The following GOLPH3 variants were observed in gnomAD, a reference collection of about 807,000 sequenced individuals.
The protein encoded by GOLPH3 is coat protein GPP34.
In GOLPH3, 14 loss-of-function variants were observed where a neutral mutation model predicts 28.5. That is an observed-to-expected ratio of 0.49 (90% confidence interval 0.32 to 0.77). GOLPH3 has a LOEUF of 0.77. Ranked by LOEUF, GOLPH3 falls within the 30% of genes least tolerant of loss-of-function variation. GOLPH3 has a pLI of 0.03. For synonymous variants in GOLPH3, 158 were observed against 159.2 expected (o/e 0.99, Z 0.06); for missense variants, 350 against 393.7 (o/e 0.89, Z 0.94).
intron 1 of GOLPH3, among the ~76,000 whole-genome samples, chr5:32,170,739 A>G (rs1746814542): frequency 6.6e-6 from 1 of 152,112 alleles, no homozygotes; most frequent in African/African-American, 2.4e-5. Flanking sequence ...GTTTGAGTGC[A>G]GCCTGGGCAA....
intron 1 of GOLPH3, among the ~76,000 whole-genome samples, chr5:32,168,088 A>G (rs1746754478): frequency 6.6e-6 from 1 of 152,274 alleles, no homozygotes; most frequent in African/African-American, 2.4e-5. Flanking sequence ...TATGAAGGAA[A>G]TATCATTTGT....
At chr5:32,131,303 G>C (rs1745820630) in intron 3 of GOLPH3, among the ~76,000 whole-genome samples, 2 of 152,204 alleles carry the variant, frequency 1.3e-5, no homozygotes, top group Admixed American at 1.3e-4. Flanking sequence ...AAGTATCTTG[G>C]TATTCTGGAA....
intron 2 of GOLPH3, among the ~76,000 whole-genome samples, chr5:32,142,679 GC>G (rs1561666253): frequency 7.1e-6 from 1 of 140,102 alleles, no homozygotes; most frequent in African/African-American, 2.7e-5. Flanking sequence ...CCGGCCAGCC[GC>G]CCCGTCCGGG....
At chr5:32,168,500 A>G (rs559361572) in intron 1 of GOLPH3, among the ~76,000 whole-genome samples, 1 of 152,324 alleles carries the variant, frequency 6.6e-6, no homozygotes, top group East Asian at 1.9e-4. Context: ...CTTGTCTACA[A>G]GCATTAGAAA....
intron 2 of GOLPH3, among the ~76,000 whole-genome samples, chr5:32,140,048 A>C (rs1411911243): frequency 6.6e-6 from 1 of 152,202 alleles, no homozygotes; most frequent in African/African-American, 2.4e-5. Context: ...CAGAAATACA[A>C]GTTTTCAAAA....
intron 2 of GOLPH3, among the ~76,000 whole-genome samples, chr5:32,142,765 G>C (rs562000979): frequency 6.8e-6 from 1 of 146,526 alleles, no homozygotes; most frequent in African/African-American, 2.6e-5. Context: ...CTGCCCGGCC[G>C]CCCCTACTGG....
chr5:32,167,571 TGA>T (rs1746744849), intron 1 of GOLPH3, among the ~76,000 whole-genome samples: 2 of 152,190 alleles, frequency 1.3e-5, no homozygotes, highest in African/African-American at 4.8e-5. Context: ...ACTTATGAGA[TGA>T]GTTAGTGAAT....
rs1219607148 is a variant in GOLPH3 at position 32,171,955 on chromosome 5, G to GA, written c.225+1854dup. The stretch of plus-strand genomic sequence containing the variant: ...CAGAGCGAGATTCCGTCTAAAAAAA[G>GA]AAAAAAAAAAAGACAAATGTTTATA... On this transcript the variant is annotated intron_variant, in intron 1 of 3. Transcript: ENST00000265070. Among the ~76,000 whole-genome samples, 692 of 138,572 alleles carry GA rather than the reference G, an allele frequency of 5.0e-3. 2 individuals are homozygous for GA. Among genetic ancestry groups the GA allele is most frequent in the African/African-American group, 0.014 (532 of 38,298 alleles). The allele number at this position is 138,572 out of a possible 152,430, so 90.9% of individuals were successfully genotyped here. A position where few individuals can be genotyped will look rare whatever the true frequency, so the allele number is the denominator to read the frequency against.
intron 3 of GOLPH3, among the ~76,000 whole-genome samples, chr5:32,133,124 T>C (rs2111839947): frequency 6.6e-6 from 1 of 152,360 alleles, no homozygotes; most frequent in South Asian, 2.1e-4. Flanking sequence ...AGACAGTGCT[T>C]TACAAAATCC....
chr5:32,157,694 G>A (rs1459637901), intron 1 of GOLPH3, among the ~76,000 whole-genome samples: 2 of 152,066 alleles, frequency 1.3e-5, no homozygotes, highest in East Asian at 3.9e-4. Flanking sequence ...AATGATACTG[G>A]GGTTGGGCAT....
intron 1 of GOLPH3, among the ~76,000 whole-genome samples, chr5:32,167,167 C>T (rs956266597): frequency 6.6e-6 from 1 of 152,082 alleles, no homozygotes; most frequent in Admixed American, 6.6e-5. Context: ...AAATACAATT[C>T]TTTTGTTTTG....
Position 32,174,008 on chromosome 5 carries a change from G to C in GOLPH3, c.27C>G (p.Ser9=). The C allele has an allele frequency of 7.6e-7, 1 of 1,321,716 alleles. No individual in the cohort carries two copies. The highest frequency in any genetic ancestry group is 2.2e-5 in the South Asian group (1 of 44,548). 81.9% of individuals were successfully genotyped at this position (1,321,716 alleles called of 1,614,324 possible). A position where few individuals can be genotyped will look rare whatever the true frequency, so the allele number is the denominator to read the frequency against. The change falls in exon 1 of 4, where the codon TCC becomes TCG. Residue 9 remains serine (S), a synonymous_variant. Transcript: ENST00000265070. ...CCTCGGTGCGCCGCTGCACCAGGCC[G>C]GAGCTGCGCTGGGTCAGCGAGGTCA... is the stretch of plus-strand genomic sequence containing the variant. The part of the protein sequence containing the change: MTSLTQRS[S]GLVQRRTEAS...
intron 1 of GOLPH3, among the ~76,000 whole-genome samples, chr5:32,157,892 G>A (rs575149501): frequency 2.6e-5 from 4 of 151,654 alleles, no homozygotes; most frequent in African/African-American, 4.9e-5. Context: ...CAGAAGAATC[G>A]CTTGAACCCA....
intron 1 of GOLPH3, among the ~76,000 whole-genome samples, chr5:32,163,676 A>C (rs323838): frequency 1.1e-5 from 1 of 89,940 alleles, no homozygotes; most frequent in Non-Finnish European, 2.6e-5. Context: ...ATATATATAT[A>C]TTTTTTTTCT....
At chr5:32,140,767 C>A (rs191882997) in intron 2 of GOLPH3, among the ~76,000 whole-genome samples, 1 of 151,226 alleles carries the variant, frequency 6.6e-6, no homozygotes, top group Non-Finnish European at 1.5e-5. Context: ...TACCAACCAC[C>A]CTCCTGCCCA....
At chr5:32,140,451 A>G (rs1393116248) in intron 2 of GOLPH3, among the ~76,000 whole-genome samples, 1 of 152,020 alleles carries the variant, frequency 6.6e-6, no homozygotes, top group Non-Finnish European at 1.5e-5. Flanking sequence ...GGAGTTCAAT[A>G]CCAGCCTGAC....
intron 2 of GOLPH3, among the ~76,000 whole-genome samples, chr5:32,138,454 T>C (rs1312262278): frequency 6.6e-6 from 1 of 152,146 alleles, no homozygotes; most frequent in Admixed American, 6.5e-5. Flanking sequence ...GTTACGTATA[T>C]ATACATGAGC....
At chr5:32,134,010 T>G (rs1486298000) in intron 3 of GOLPH3, among the ~76,000 whole-genome samples, 4 of 152,216 alleles carry the variant, frequency 2.6e-5, no homozygotes, top group African/African-American at 4.8e-5. Flanking sequence ...AACCTTGCCT[T>G]AAGTGTAAAG....
At chr5:32,171,065 T>C (rs958427167) in intron 1 of GOLPH3, among the ~76,000 whole-genome samples, 1 of 152,170 alleles carries the variant, frequency 6.6e-6, no homozygotes, top group African/African-American at 2.4e-5. Context: ...CAAATAACTT[T>C]AAATTGTTTA....
Sources: allele counts gnomAD v4.1 joint callset (sites outside exome capture counted in the v4.1 genomes callset), GRCh38; gene constraint gnomAD v4.1.1; transcripts MANE v1.5; gene names NCBI Gene and HGNC (gene_info 2026-07-23, HGNC 2026-07-21).